The following ADCY7 variants were observed in gnomAD, a reference collection of about 807,000 sequenced individuals.
The protein encoded by ADCY7 is adenylate cyclase 7.
A neutral mutation model predicts 120.6 loss-of-function variants in ADCY7; 72 were observed. The ratio of observed to expected loss-of-function variants is 0.60; its 90% CI spans 0.49 to 0.73. The LOEUF (loss-of-function observed/expected upper bound fraction) is 0.73. Ranked by LOEUF, ADCY7 falls within the 30% of genes least tolerant of loss-of-function variation. The pLI is 0.00. For missense variants in ADCY7, 1,227 were observed against 1,486.0 expected, an observed-to-expected ratio of 0.83 and a Z score of 2.87; for synonymous variants, 661 against 628.0, an observed-to-expected ratio of 1.05 and a Z score of -0.78.
At position 50,300,818 on chromosome 16, in the gene ADCY7, G is replaced by A. The variant is rs763219848; in HGVS notation, c.1180G>A (p.Val394Met). Residue 394 changes from valine (V) to methionine (M), a missense_variant, in exon 9 of 26, where the codon GTG becomes ATG. Transcript: ENST00000673801. ...CGGGCTGCGCAAGTGGCAGTATGAC[G>A]TGTGGTCCCACGACGTGTCCCTGGC... ...VIGLRKWQYD[V>M]WSHDVSLANR... 2 of 1,557,220 alleles carry A rather than the reference G, an allele frequency of 1.3e-6. No individual in the cohort carries two copies. The highest frequency in any genetic ancestry group is 1.7e-6 in the Non-Finnish European group (2 of 1,150,206).
At chr16:50,294,615 C>G in intron 6 of ADCY7, 25 bp from the exon 7 acceptor site, 9 of 1,083,626 alleles carry the variant, frequency 8.3e-6, no homozygotes, top group Non-Finnish European at 1.3e-5. Flanking sequence ...CTCTGACACT[C>G]CCTCCCACCC....
intron 1 of ADCY7, among the ~76,000 whole-genome samples, chr16:50,277,694 G>A (rs1274627153): frequency 1.4e-5 from 2 of 144,738 alleles, no homozygotes; most frequent in Non-Finnish European, 3.0e-5. Flanking sequence ...TTTTTGAGGC[G>A]GAGTCTTGCT....
intron 17 of ADCY7, chr16:50,309,224 G>A (rs553048046): frequency 6.0e-5 from 22 of 366,618 alleles, no homozygotes; most frequent in African/African-American, 2.5e-4. Context: ...TCTCTGCCCC[G>A]GACCCTGGGT....
At chr16:50,280,438 T>C (rs2034188987) in intron 1 of ADCY7, among the ~76,000 whole-genome samples, 1 of 152,160 alleles carries the variant, frequency 6.6e-6, no homozygotes, top group Admixed American at 6.5e-5. Flanking sequence ...GTCTTGATTT[T>C]CTTCAGTTCA....
At chr16:50,247,425 A>G (rs1366676852) in intron 1 of ADCY7, among the ~76,000 whole-genome samples, 1 of 152,084 alleles carries the variant, frequency 6.6e-6, no homozygotes, top group East Asian at 1.9e-4. Flanking sequence ...GCAGTGGCAC[A>G]ATCATGGCTT....
intron 24 of ADCY7, 26 bp from the exon 25 acceptor site, chr16:50,314,988 T>A: frequency 6.2e-7 from 1 of 1,613,506 alleles, no homozygotes; most frequent in Non-Finnish European, 8.5e-7. Context: ...CCTGCACGCT[T>A]GGGTAACTGT....
intron 1 of ADCY7, among the ~76,000 whole-genome samples, chr16:50,256,241 C>T (rs2032915363): frequency 6.6e-6 from 1 of 152,020 alleles, no homozygotes; most frequent in Non-Finnish European, 1.5e-5. Context: ...CAACAACAAA[C>T]CCAATTAAAA....
intron 3 of ADCY7, 90 bp from the exon 4 acceptor site, chr16:50,291,646 C>G: frequency 5.3e-6 from 8 of 1,510,266 alleles, no homozygotes; most frequent in Non-Finnish European, 7.3e-6. Context: ...AGGATACGCA[C>G]TGGGTGGGCT....
chr16:50,309,232 G>C (rs1216375827), intron 17 of ADCY7: 2 of 378,666 alleles, frequency 5.3e-6, no homozygotes, highest in African/African-American at 4.1e-5. Context: ...CCGGACCCTG[G>C]GTTTTTGGAA....
chr16:50,280,805 C>T (rs1243984081), intron 1 of ADCY7, among the ~76,000 whole-genome samples: 1 of 152,202 alleles, frequency 6.6e-6, no homozygotes, highest in African/African-American at 2.4e-5. Context: ...CACAGCCCCT[C>T]CTTTGCAAGA....
chr16:50,302,758 C>A (rs1432042780), intron 10 of ADCY7, among the ~76,000 whole-genome samples: 1 of 152,230 alleles, frequency 6.6e-6, no homozygotes, highest in Non-Finnish European at 1.5e-5. Context: ...CGAGTCCCCC[C>A]ACCCTTCTTG....
At chr16:50,307,196 T>C in intron 15 of ADCY7, 49 bp downstream of exon 15, 1 of 1,558,442 alleles carries the variant, frequency 6.4e-7, no homozygotes, top group Non-Finnish European at 8.8e-7. Context: ...GGATCCAGGC[T>C]GGAAGGTGAC....
chr16:50,291,794 G>C lies in ADCY7; in HGVS notation c.434G>C (p.Arg145Pro). The change falls in exon 4 of 26, where the codon CGG (arginine) becomes CCG (proline). Residue 145 changes from arginine to proline, a missense_variant. Around this residue, in one of 5 missense-constraint regions of ADCY7, gnomAD observed 382 missense variants for 411.4 expected, o/e 0.93. Coordinates refer to ENST00000673801, the MANE Select transcript of ADCY7 (RefSeq NM_001114.5). ...TACACACTACTGCCCTTCAGCATGCGGGGCGCTGTCGCCGTTGGGGCCGTC... is the reference window on the plus strand; with the variant it reads ...TACACACTACTGCCCTTCAGCATGCCGGGCGCTGTCGCCGTTGGGGCCGTC... Reference protein sequence around the residue: ...VVYTLLPFSMRGAVAVGAVST... With the variant: ...VVYTLLPFSMPGAVAVGAVST... 1 of 1,614,116 alleles carries C rather than the reference G, an allele frequency of 6.2e-7. No individual in the cohort carries two copies. The highest frequency in any genetic ancestry group is 8.5e-7 in the Non-Finnish European group (1 of 1,179,976).
intron 1 of ADCY7, among the ~76,000 whole-genome samples, chr16:50,271,939 C>T (rs2033602669): frequency 6.6e-6 from 1 of 152,224 alleles, no homozygotes; most frequent in African/African-American, 2.4e-5. Flanking sequence ...ATACCCTCTT[C>T]TCACCATCCT....
intron 10 of ADCY7, among the ~76,000 whole-genome samples, chr16:50,302,881 G>A (rs2151030677): frequency 6.6e-6 from 1 of 152,330 alleles, no homozygotes; most frequent in South Asian, 2.1e-4. Context: ...TGACATGGAG[G>A]TGGATTTTCT....
chr16:50,304,391 TC>T lies in ADCY7; in HGVS notation c.1404del (p.Arg469GlyfsTer8). On this transcript the variant is annotated frameshift_variant, in exon 11 of 26. Coordinates refer to ENST00000673801, the MANE Select transcript of ADCY7 (RefSeq NM_001114.5). LOFTEE classifies it high-confidence loss of function. ...CAGCCACCCCCGCCCAGCCAACACC[TC>T]CCCAGGCCCAAGGGGGACGCGGCCC... The part of the protein sequence containing the change: ...SQQPPPPSQH[L>X]PRPKGDAALK... The T allele has an allele frequency of 6.4e-7, 1 of 1,554,982 alleles. No homozygotes were observed. Among genetic ancestry groups the T allele is most frequent in the South Asian group, 1.2e-5 (1 of 83,912 alleles).
In ADCY7 at chr16:50,288,162, G is replaced by A. The variant is rs774869842; in HGVS notation, c.-18G>A. 4.5e-5 allele frequency: 69 copies of A among 1,536,496 alleles called. 1 individual carries two copies. Among genetic ancestry groups the A allele is most frequent in the South Asian group, 4.5e-4 (37 of 82,526 alleles). ...CTCCTTAACGGCCCCTTAACGACAC[G>A]CGTGCCAAGGGTGGAGGATGCCAGC... On this transcript the variant is annotated 5_prime_UTR_variant, in exon 2 of 26. Transcript: ENST00000673801.
At chr16:50,294,532 G>T in intron 6 of ADCY7, 108 bp from the exon 7 acceptor site, 1 of 690,304 alleles carries the variant, frequency 1.4e-6, no homozygotes, top group Non-Finnish European at 2.4e-6. Flanking sequence ...GGGGTGAATG[G>T]GCTCAGGCCT....
intron 4 of ADCY7, 83 bp from the exon 5 acceptor site, chr16:50,292,593 A>G (rs1038456945): frequency 6.6e-7 from 1 of 1,520,328 alleles, no homozygotes; most frequent in South Asian, 1.2e-5. Flanking sequence ...AAGAGGTGCC[A>G]TCACTAGTCC....
Sources: gnomAD v4.1 joint callset for allele counts (sites outside exome capture counted in the v4.1 genomes callset) on GRCh38, gnomAD v4.1.1 for gene constraint, gnomAD v4.1.1 regional missense constraint, MANE v1.5 for transcripts, NCBI Gene and HGNC (gene_info 2026-07-23, HGNC 2026-07-21) for gene names.